Variants in GAB4 observed in about 807,000 individuals in gnomAD.
The protein encoded by GAB4 is GRB2-associated-binding protein 4.
A neutral mutation model predicts 51.3 loss-of-function variants in GAB4; 26 were observed. The ratio of observed to expected loss-of-function variants is 0.51; its 90% CI spans 0.37 to 0.70. The LOEUF (loss-of-function observed/expected upper bound fraction) is 0.70, where lower values mean the gene tolerates loss of function less well. GAB4 is among the 30% of genes least tolerant of loss of function. The probability of loss-of-function intolerance (pLI) is 0.00; values close to 1 mark genes in which losing one functional copy is unlikely to be tolerated. For missense variants in GAB4, 759 were observed against 734.6 expected, an observed-to-expected ratio of 1.03 and a Z score of -0.38; for synonymous variants, 329 against 291.2, an observed-to-expected ratio of 1.13 and a Z score of -1.32.
At chr22:16,985,840 G>A (rs1340050555) in intron 3 of GAB4, among the ~76,000 whole-genome samples, 2 of 152,206 alleles carry the variant, frequency 1.3e-5, no homozygotes, top group African/African-American at 4.8e-5. Context: ...TACTGATAAA[G>A]ACATACTATA....
At chr22:16,981,383 T>C (rs1007828592) in intron 3 of GAB4, among the ~76,000 whole-genome samples, 1 of 151,976 alleles carries the variant, frequency 6.6e-6, no homozygotes, top group African/African-American at 2.4e-5. Context: ...TTGATAATCC[T>C]TTAGCTAGAT....
At chr22:16,972,941 C>G (rs2060744561) in intron 3 of GAB4, among the ~76,000 whole-genome samples, 1 of 152,130 alleles carries the variant, frequency 6.6e-6, no homozygotes, top group South Asian at 2.1e-4. Flanking sequence ...CCTAGTTACC[C>G]TTCCCACCTA....
Position 16,962,885 on chromosome 22 carries a change from C to G in GAB4, c.1582-9G>C. The G allele has an allele frequency of 1.2e-6, 2 of 1,609,618 alleles. No homozygotes were observed. Among genetic ancestry groups the G allele is most frequent in the African/African-American group, 1.3e-5 (1 of 74,992 alleles). ...ACAGAGCCTATGGATGGCTGAGGGA[C>G]AGAGGGTGGAAGTGGGAGTGGCAGT... On this transcript the variant is annotated splice_polypyrimidine_tract_variant and intron_variant, in intron 9 of 9. Transcript: ENST00000400588.
rs1221250029 is a variant in GAB4 at position 16,988,845 on chromosome 22, C to T, written c.479-678G>A. 3.3e-5 allele frequency among the ~76,000 whole-genome samples: 5 copies of T among 152,194 alleles called. No individual in the cohort carries two copies. The East Asian group carries it at 5.8e-4, about 18-fold the overall frequency. ...GCAGCATCAGCCATCCTGCACACAC[C>T]GGCCTCTTTCAGGCTTCTTTGCTTT... On this transcript the variant is annotated intron_variant, in intron 2 of 9. Coordinates refer to ENST00000400588, the MANE Select transcript of GAB4 (RefSeq NM_001037814.1).
intron 2 of GAB4, among the ~76,000 whole-genome samples, chr22:16,990,969 G>C (rs1276204783): frequency 1.3e-5 from 2 of 151,942 alleles, no homozygotes; most frequent in Non-Finnish European, 2.9e-5. Context: ...GCTGAGAATG[G>C]TTTTTACATT....
intron 2 of GAB4, 70 bp downstream of exon 2, chr22:16,991,803 C>G: frequency 7.6e-7 from 1 of 1,313,124 alleles, no homozygotes; most frequent in Non-Finnish European, 1.1e-6. Context: ...GCTAGAGCTG[C>G]CCTCCTTGCT....
chr22:16,988,296 T>G, intron 2 of GAB4, 129 bp from the exon 3 acceptor site: 1 of 704,226 alleles, frequency 1.4e-6, no homozygotes, highest in Non-Finnish European at 2.5e-6. Context: ...TCCTCTGTCC[T>G]CCCAGAGGAG....
In GAB4 at chr22:17,008,201, CTGGGACTGCGGGGTAGAA is replaced by C; in HGVS notation, c.-105_-88del. On this transcript the variant is annotated 5_prime_UTR_variant, in exon 1 of 10. Coordinates refer to ENST00000400588, the MANE Select transcript of GAB4 (RefSeq NM_001037814.1). ...GGTGTGAGGGACGGCTTGCGATACC[CTGGGACTGCGGGGTAGAA>C]AGCGCAGTTCTAGGGGAGGTCGGGG... is the stretch of plus-strand genomic sequence containing the variant. 1.0e-6 allele frequency: 1 copy of C among 955,310 alleles called. No homozygotes were observed. Among genetic ancestry groups the C allele is most frequent in the Admixed American group, 2.2e-5 (1 of 45,684 alleles). The allele number at this position is 955,310 out of a possible 1,614,324, so 59.2% of individuals were successfully genotyped here.
chr22:16,965,260 T>C lies in GAB4; in HGVS notation c.1297A>G (p.Thr433Ala). 6.2e-7 allele frequency: 1 copy of C among 1,613,768 alleles called. No individual in the cohort carries two copies. Among genetic ancestry groups the C allele is most frequent in the Non-Finnish European group, 8.5e-7 (1 of 1,179,820 alleles). ...CTGTTGTTTCTCAGGTTGGGCGGTG[T>C]TGGGTTGGCTGGAGCAGGAAAAGAA... ...SLKPNQKANP[T>A]PPNLRNNRVI... Residue 433 changes from threonine to alanine, a missense_variant, in exon 7 of 10, where the codon ACA becomes GCA. Coordinates refer to ENST00000400588, the MANE Select transcript of GAB4 (RefSeq NM_001037814.1).
chr22:16,982,291 C>A (rs2060833031), intron 3 of GAB4, among the ~76,000 whole-genome samples: 1 of 151,982 alleles, frequency 6.6e-6, no homozygotes, highest in Admixed American at 6.6e-5. Context: ...TTAAAAATGC[C>A]AAAAGGCTGT....
In GAB4 at chr22:16,966,232, C is replaced by A. The variant is rs1230450901; in HGVS notation, c.1156G>T (p.Val386Leu). Residue 386 changes from valine to leucine, a missense_variant, in exon 6 of 10, where the codon GTG becomes TTG. Coordinates refer to ENST00000400588, the MANE Select transcript of GAB4 (RefSeq NM_001037814.1). ...GDDSQGVCIP[V>L]GSCLVRFDLL... ...TCAAAGCGAACAAGACATGAGCCCA[C>A]AGGGATGCAGACACCCTGGGAATCA... 1.2e-6 allele frequency: 2 copies of A among 1,614,078 alleles called. No individual in the cohort carries two copies. The highest frequency in any genetic ancestry group is 1.7e-6 in the Non-Finnish European group (2 of 1,180,044).
chr22:16,982,838 T>C (rs1209005818), intron 3 of GAB4, among the ~76,000 whole-genome samples: 1 of 152,100 alleles, frequency 6.6e-6, no homozygotes, highest in Admixed American at 6.6e-5. Context: ...ATGTCCAGGG[T>C]CCAGGGTCTA....
chr22:17,006,960 C>A (rs993984331), intron 1 of GAB4, among the ~76,000 whole-genome samples: 5 of 152,048 alleles, frequency 3.3e-5, no homozygotes, highest in African/African-American at 1.2e-4. Flanking sequence ...ATGTATGTAA[C>A]AAACCTCCAC....
chr22:16,984,007 G>A (rs1159537538), intron 3 of GAB4, among the ~76,000 whole-genome samples: 1 of 152,024 alleles, frequency 6.6e-6, no homozygotes, highest in Admixed American at 6.6e-5. Flanking sequence ...AATTAATAAG[G>A]TAAAGAAACA....
At chr22:16,999,472 G>A (rs1041389098) in intron 1 of GAB4, among the ~76,000 whole-genome samples, 2 of 151,974 alleles carry the variant, frequency 1.3e-5, no homozygotes, top group Admixed American at 1.3e-4. Context: ...TATTTCTGTG[G>A]GATTGGTGGT....
intron 1 of GAB4, among the ~76,000 whole-genome samples, chr22:16,996,127 G>A (rs2060947440): frequency 1.3e-5 from 2 of 151,836 alleles, no homozygotes; most frequent in African/African-American, 4.8e-5. Flanking sequence ...ACTTCATGAA[G>A]CCGAAAGAGA....
At chr22:17,007,465 G>A (rs1328416223) in intron 1 of GAB4, among the ~76,000 whole-genome samples, 3 of 151,796 alleles carry the variant, frequency 2.0e-5, no homozygotes, top group Non-Finnish European at 4.4e-5. Flanking sequence ...CTGGGGCCCG[G>A]GAGGGAAAGG....
intron 4 of GAB4, among the ~76,000 whole-genome samples, chr22:16,969,178 GA>G (rs1196486631): frequency 6.6e-6 from 1 of 152,212 alleles, no homozygotes. Context: ...TTCAAACAAA[GA>G]GACCCAAATA....
At chr22:16,974,222 T>G (rs921625254) in intron 3 of GAB4, among the ~76,000 whole-genome samples, 1 of 152,188 alleles carries the variant, frequency 6.6e-6, no homozygotes, top group Non-Finnish European at 1.5e-5. Flanking sequence ...GACGGATAAT[T>G]GGGAGCAGTG....
Sources: gnomAD v4.1 joint callset for allele counts (sites outside exome capture counted in the v4.1 genomes callset) on GRCh38, gnomAD v4.1.1 for gene constraint, MANE v1.5 for transcripts, NCBI Gene and HGNC (gene_info 2026-07-23, HGNC 2026-07-21) for gene names.